BEND3: variants seen among roughly 807,000 people sequenced by gnomAD.
BEND3 encodes the protein BEN domain containing 3, also known as BEN domain-containing protein 3.
Under a neutral mutation model 60.1 loss-of-function variants are expected in BEND3, and 13 were observed. The ratio of observed to expected loss-of-function variants is 0.22; its 90% CI spans 0.14 to 0.34. BEND3 has a LOEUF of 0.34. Among genes scored for constraint, BEND3 ranks in the 10% least tolerant of loss-of-function variants. The pLI is 1.00. For synonymous variants in BEND3, 497 were observed against 491.5 expected, an observed-to-expected ratio of 1.01 and a Z score of -0.15; for missense variants, 896 against 1,138.1, an observed-to-expected ratio of 0.79 and a Z score of 3.06.
chr6:107,083,658 T>C lies in BEND3; in HGVS notation c.241-12708A>G, dbSNP rs558954367. Among the ~76,000 whole-genome samples, 6 of 151,564 alleles carry C rather than the reference T, an allele frequency of 4.0e-5. No individual in the cohort carries two copies. In the South Asian group the frequency reaches 6.3e-4, roughly 16 times the overall value. On this transcript the variant is annotated intron_variant, in intron 3 of 3. Coordinates refer to ENST00000369042, the MANE Select transcript of BEND3 (RefSeq NM_001367314.1). Reference sequence around the variant, plus strand: ...CTCAAAAAAAAGAAAACAATACTCATAGGTATTAAAAAAAAAAAGTCAACA... The same window carrying C: ...CTCAAAAAAAAGAAAACAATACTCACAGGTATTAAAAAAAAAAAGTCAACA...
intron 1 of BEND3, among the ~76,000 whole-genome samples, chr6:107,106,700 C>G (rs1775821875): frequency 1.3e-5 from 2 of 152,068 alleles, no homozygotes; most frequent in Admixed American, 6.6e-5. Flanking sequence ...GCCTTGAACT[C>G]CTGGGCTCAG....
chr6:107,075,733 C>T (rs148231371), intron 3 of BEND3, among the ~76,000 whole-genome samples: 91 of 152,224 alleles, frequency 6.0e-4, no homozygotes, highest in African/African-American at 2.0e-3. Context: ...TCATCAGAAA[C>T]GTATATAGCA....
chr6:107,072,026 C>G (rs1475444173), intron 3 of BEND3, among the ~76,000 whole-genome samples: 2 of 152,162 alleles, frequency 1.3e-5, no homozygotes, highest in East Asian at 3.8e-4. Flanking sequence ...TCAGCCATAA[C>G]CTAATAAGCC....
At chr6:107,075,487 T>A (rs112735648) in intron 3 of BEND3, among the ~76,000 whole-genome samples, 1 of 152,348 alleles carries the variant, frequency 6.6e-6, no homozygotes, top group South Asian at 2.1e-4. Flanking sequence ...TCCTGTAGAA[T>A]GTAAAGTAAA....
At chr6:107,078,596 A>G (rs1775151880) in intron 3 of BEND3, among the ~76,000 whole-genome samples, 1 of 147,998 alleles carries the variant, frequency 6.8e-6, no homozygotes, top group Non-Finnish European at 1.5e-5. Context: ...CTGGGATTAC[A>G]GGCGTGAGCC....
At chr6:107,088,563 C>T (rs311215) in intron 3 of BEND3, among the ~76,000 whole-genome samples, 122,494 of 152,054 alleles carry the variant, frequency 0.81, 49,400 homozygotes, top group East Asian at 0.9. Flanking sequence ...TTTCAAACTA[C>T]AGAAAATCAA....
chr6:107,089,414 C>T (rs1775424815), intron 3 of BEND3, among the ~76,000 whole-genome samples: 1 of 151,364 alleles, frequency 6.6e-6, no homozygotes, highest in African/African-American at 2.4e-5. Flanking sequence ...AACCCCATCG[C>T]TACTAAAAAT....
At chr6:107,075,859 A>G (rs1215840076) in intron 3 of BEND3, among the ~76,000 whole-genome samples, 2 of 152,208 alleles carry the variant, frequency 1.3e-5, no homozygotes, top group African/African-American at 2.4e-5. Flanking sequence ...TGACTCCCTC[A>G]CATTCCTACA....
At chr6:107,083,508 G>A (rs1284833827) in intron 3 of BEND3, among the ~76,000 whole-genome samples, 1 of 151,828 alleles carries the variant, frequency 6.6e-6, no homozygotes, top group Admixed American at 6.6e-5. Context: ...GTGGTGGTGC[G>A]TGCCTGCAGT....
At chr6:107,109,816 G>A (rs1188451949) in intron 1 of BEND3, among the ~76,000 whole-genome samples, 2 of 151,974 alleles carry the variant, frequency 1.3e-5, no homozygotes, top group African/African-American at 4.8e-5. Flanking sequence ...GGTGGTTGCA[G>A]TGAGCCGGGA....
rs1554231635 is a variant in BEND3, at chr6:107,069,907, C to T, written c.1284G>A (p.Leu428=). 2 of 1,613,944 alleles carry T rather than the reference C, an allele frequency of 1.2e-6. No homozygotes were observed. The highest frequency in any genetic ancestry group is 1.1e-5 in the South Asian group (1 of 91,082). The change falls in exon 4 of 4, where the codon CTG becomes CTA. Residue 428 remains leucine, a synonymous_variant. Coordinates refer to ENST00000369042, the MANE Select transcript of BEND3 (RefSeq NM_001367314.1). ...CCCCGTAGCAGCTGTACTGTTCACC[C>T]AGCTTGCGGTGGTCGAAGAGCTCGG... ...LFPELFDHRK[L]GEQYSCYGDG...
intron 1 of BEND3, chr6:107,114,214 C>A (rs1199462510): frequency 6.6e-6 from 1 of 152,252 alleles, no homozygotes; most frequent in Non-Finnish European, 1.5e-5. Context: ...GCAAAGCATG[C>A]GTGGGAAATC....
At chr6:107,104,672 T>G (rs1554237160) in intron 1 of BEND3, among the ~76,000 whole-genome samples, 1 of 151,516 alleles carries the variant, frequency 6.6e-6, no homozygotes, top group Non-Finnish European at 1.5e-5. Context: ...CTGGTTTTTC[T>G]TTTGGATTTT....
At chr6:107,087,034 A>G (rs1383849326) in intron 3 of BEND3, among the ~76,000 whole-genome samples, 1 of 150,838 alleles carries the variant, frequency 6.6e-6, no homozygotes, top group East Asian at 1.9e-4. Context: ...AAAAAAAAAA[A>G]AAAAAAAGAA....
intron 3 of BEND3, 109 bp downstream of exon 3, chr6:107,098,442 T>G: frequency 8.8e-7 from 1 of 1,134,384 alleles, no homozygotes; most frequent in Non-Finnish European, 1.3e-6. Flanking sequence ...AACCTTCCCA[T>G]GCCCAAGGGT....
chr6:107,106,936 CTTTTTT>C (rs35443143), intron 1 of BEND3, among the ~76,000 whole-genome samples: 2 of 128,560 alleles, frequency 1.6e-5, no homozygotes, highest in Non-Finnish European at 3.3e-5. Context: ...TCAAAGAGGG[CTTTTTT>C]TTTTTTTTTT....
intron 1 of BEND3, among the ~76,000 whole-genome samples, chr6:107,102,901 TC>T (rs1490311069): frequency 6.6e-6 from 1 of 152,184 alleles, no homozygotes; most frequent in Non-Finnish European, 1.5e-5. Context: ...AGGTAACTCC[TC>T]CAGTGTCACA....
chr6:107,080,690 T>C (rs1355696568), intron 3 of BEND3, among the ~76,000 whole-genome samples: 2 of 152,050 alleles, frequency 1.3e-5, no homozygotes, highest in Non-Finnish European at 2.9e-5. Flanking sequence ...GAGATCAGCC[T>C]AGCCAACATG....
chr6:107,086,669 C>T (rs557810820), intron 3 of BEND3, among the ~76,000 whole-genome samples: 25 of 152,076 alleles, frequency 1.6e-4, no homozygotes, highest in Admixed American at 5.9e-4. Flanking sequence ...CTTTCCTCTC[C>T]CCCGACATTA....
Sources: gnomAD v4.1 joint callset for allele counts (sites outside exome capture counted in the v4.1 genomes callset) on GRCh38, gnomAD v4.1.1 for gene constraint, MANE v1.5 for transcripts, NCBI Gene and HGNC (gene_info 2026-07-23, HGNC 2026-07-21) for gene names.